SLU7: variants seen among roughly 807,000 people sequenced by gnomAD.
SLU7 encodes spliceosome associated SLU7.
SLU7 carries 60 observed loss-of-function variants against 87.0 expected under a neutral mutation model. The ratio of observed to expected loss-of-function variants is 0.69; its 90% confidence interval spans 0.56 to 0.86. SLU7 has a LOEUF of 0.86. Among genes scored for constraint, SLU7 ranks in the 40% least tolerant of loss-of-function variants. SLU7 has a pLI of 0.00. For synonymous variants in SLU7, 197 were observed against 222.0 expected (o/e 0.89, Z 1.00); for missense variants, 507 against 686.6 (o/e 0.74, Z 2.92).
intron 6 of SLU7, among the ~76,000 whole-genome samples, chr5:160,410,928 A>G (rs1420596660): frequency 1.3e-5 from 2 of 150,524 alleles, no homozygotes; most frequent in African/African-American, 4.9e-5. Context: ...GTGCAGCGGC[A>G]TGATCTTGGC....
In SLU7 at chr5:160,409,601, C is replaced by T. The variant is rs140122420; in HGVS notation, c.640-904G>A. Among the ~76,000 whole-genome samples the T allele has an allele frequency of 5.2e-3, 791 of 152,086 alleles. 4 individuals carry two copies. Among genetic ancestry groups the T allele is most frequent in the Non-Finnish European group, 8.3e-3 (565 of 67,968 alleles). On this transcript the variant is annotated intron_variant, in intron 6 of 15. Transcript: ENST00000297151. ...CTAGAAGGTTATCCTAGTATCATGT[C>T]AATTATATAAAGATGTATAAGAATG... is the stretch of plus-strand genomic sequence containing the variant.
At chr5:160,408,156 TTAAA>T in intron 8 of SLU7, 88 bp from the exon 9 acceptor site, 1 of 1,160,954 alleles carries the variant, frequency 8.6e-7, no homozygotes, top group South Asian at 1.3e-5. Context: ...ACATGATCAA[TTAAA>T]TAAATGTGTG....
Position 160,408,521 on chromosome 5 carries a change from T to C in SLU7, c.688-61A>G, listed in dbSNP as rs968769098. Reference sequence around the variant, plus strand: ...AGAAAGCAGCATGTAGTTCTTTTTTTTCCCCTTTCCCTTTAACCAAACCCT... The same window carrying C: ...AGAAAGCAGCATGTAGTTCTTTTTTCTCCCCTTTCCCTTTAACCAAACCCT... On this transcript the variant is annotated intron_variant, in intron 7 of 15. Coordinates refer to ENST00000297151, the MANE Select transcript of SLU7 (RefSeq NM_006425.5). The C allele has an allele frequency of 7.2e-6, 11 of 1,536,410 alleles. No homozygotes were observed. The African/African-American group carries it at 1.1e-4, about 16-fold the overall frequency.
At chr5:160,411,120 CCTCCCAAAGTGCT>C (rs1179249573) in intron 6 of SLU7, among the ~76,000 whole-genome samples, 1 of 152,198 alleles carries the variant, frequency 6.6e-6, no homozygotes, top group Non-Finnish European at 1.5e-5. Flanking sequence ...CCCGCCTTGG[CCTCCCAAAGTGCT>C]CGGATTATAG....
chr5:160,411,362 G>A lies in SLU7; in HGVS notation c.639+1089C>T, dbSNP rs1397368507. ...TTCTCCCGAGTAGCTGGGACTACAG[G>A]TGCTCGCCACCACACCCAGCTAATT... On this transcript the variant is annotated intron_variant, in intron 6 of 15. Coordinates refer to ENST00000297151, the MANE Select transcript of SLU7 (RefSeq NM_006425.5). 2.6e-5 allele frequency among the ~76,000 whole-genome samples: 4 copies of A among 152,112 alleles called. No homozygotes were observed. The South Asian group carries it at 6.2e-4, about 24-fold the overall frequency.
Position 160,404,456 on chromosome 5 carries a change from T to A in SLU7, c.1565A>T (p.His522Leu). ...ACAAATTACCTTTTTCAATTTTTCA[T>A]GCTTCTTTTCTTCATCATCACTATC... The part of the protein sequence containing the change: ...SSDSDDEEKK[H>L]EKLKKALNAE... Residue 522 changes from histidine to leucine, a missense_variant, in exon 15 of 16, where the codon CAT becomes CTT. Around this residue, in one of 6 missense-constraint regions of SLU7, gnomAD observed 201 missense variants for 213.4 expected, o/e 0.94. Transcript: ENST00000297151. 1.3e-6 allele frequency: 2 copies of A among 1,587,018 alleles called. No homozygotes were observed. The highest frequency in any genetic ancestry group is 1.7e-6 in the Non-Finnish European group (2 of 1,162,326).
At chr5:160,418,664 A>C (rs1765555903) in intron 1 of SLU7, 1 of 152,188 alleles carries the variant, frequency 6.6e-6, no homozygotes. Context: ...AACAGGAAAA[A>C]CTGAAGCTCA....
At chr5:160,415,899 CTTTTTT>C (rs143840615) in intron 1 of SLU7, among the ~76,000 whole-genome samples, 12 of 148,452 alleles carry the variant, frequency 8.1e-5, no homozygotes, top group Admixed American at 2.0e-4. Context: ...TTTTCTTTTT[CTTTTTT>C]TTTTAGAGAC....
In SLU7 at chr5:160,406,643, G is replaced by A. The variant is rs199586065; in HGVS notation, c.1126-14C>T. 1.6e-3 allele frequency: 2,492 copies of A among 1,579,244 alleles called. 6 individuals are homozygous for A. The highest frequency in any genetic ancestry group is 2.0e-3 in the Non-Finnish European group (2,312 of 1,162,588). ...TTGGCCACCATACTAAAAGGACATT[G>A]GACATTATTCAATACATTTTACAAC... On this transcript the variant is annotated splice_polypyrimidine_tract_variant and intron_variant, in intron 11 of 15. Transcript: ENST00000297151.
In SLU7 at chr5:160,413,536, C is replaced by A; in HGVS notation, c.490G>T (p.Asp164Tyr). 1 of 1,614,026 alleles carries A rather than the reference C, an allele frequency of 6.2e-7. No individual in the cohort carries two copies. Among genetic ancestry groups the A allele is most frequent in the Non-Finnish European group, 8.5e-7 (1 of 1,179,926 alleles). The change falls in exon 5 of 16, where the codon GAT becomes TAT. Residue 164 changes from aspartate (D) to tyrosine (Y), a missense_variant. Around this residue, in one of 6 missense-constraint regions of SLU7, gnomAD observed 155 missense variants for 154.4 expected, o/e 1.00. Transcript: ENST00000297151. ...CCATTCCACCGATCCCTCTTCCCAT[C>A]ATAGTCAAACATCAGTTGAGGCTGG... The part of the protein sequence containing the change: ...HVQPQLMFDY[D>Y]GKRDRWNGYN...
intron 12 of SLU7, among the ~76,000 whole-genome samples, chr5:160,405,384 T>C (rs1341754144): frequency 2.6e-5 from 4 of 152,228 alleles, no homozygotes; most frequent in Non-Finnish European, 4.4e-5. Flanking sequence ...CTGACTTCTC[T>C]TGAAAAACGT....
chr5:160,411,248 T>C (rs1031592242), intron 6 of SLU7, among the ~76,000 whole-genome samples: 11 of 151,758 alleles, frequency 7.2e-5, no homozygotes, highest in African/African-American at 2.2e-4. Context: ...GACTGATTGA[T>C]TGAGATAGAG....
intron 6 of SLU7, among the ~76,000 whole-genome samples, chr5:160,411,737 C>T (rs997713310): frequency 6.6e-6 from 1 of 151,928 alleles, no homozygotes; most frequent in Non-Finnish European, 1.5e-5. Context: ...AACTTGACAA[C>T]TCTAATATGC....
In SLU7 at chr5:160,406,581, C is replaced by A; in HGVS notation, c.1174G>T (p.Ala392Ser). The A allele has an allele frequency of 6.2e-7, 1 of 1,613,108 alleles. No homozygotes were observed. Among genetic ancestry groups the A allele is most frequent in the Non-Finnish European group, 8.5e-7 (1 of 1,179,568 alleles). The change falls in exon 12 of 16, where the codon GCC (alanine) becomes TCC (serine). Residue 392 changes from alanine to serine, a missense_variant. Physicochemically the swap from Ala to Ser is moderately conservative, Grantham distance 99. Transcript: ENST00000297151. ...TACTCCACATAGTCTTCAGTCTGGG[C>A]TAAAAGCAATTCAGCTGGAGGGGCA... is the stretch of plus-strand genomic sequence containing the variant. ...LDAPPAELLL[A>S]QTEDYVEYSR...
At chr5:160,408,838 TTTATA>T (rs1263598309) in intron 6 of SLU7, 141 bp from the exon 7 acceptor site, 1 of 149,122 alleles carries the variant, frequency 6.7e-6, no homozygotes, top group Non-Finnish European at 1.4e-5. Context: ...ATATATTATA[TTTATA>T]TTATATATAA....
rs888457672 is a variant in SLU7 at position 160,403,178 on chromosome 5, C to T, written c.*107G>A. The T allele has an allele frequency of 1.2e-6, 1 of 810,308 alleles. No homozygotes were observed. Among genetic ancestry groups the T allele is most frequent in the Non-Finnish European group, 1.9e-6 (1 of 540,234 alleles). The allele number at this position is 810,308 out of a possible 1,614,324, so 50.2% of individuals were successfully genotyped here. On this transcript the variant is annotated 3_prime_UTR_variant, in exon 16 of 16. Coordinates refer to ENST00000297151, the MANE Select transcript of SLU7 (RefSeq NM_006425.5). ...AGGCATCTGAAATATTTATTAAAGC[C>T]AGGCAGCAAGAAGAATAAACAAGGA...
At chr5:160,408,742 T>A in intron 6 of SLU7, 45 bp from the exon 7 acceptor site, 1 of 888,354 alleles carries the variant, frequency 1.1e-6, no homozygotes, top group Non-Finnish European at 1.7e-6. Context: ...TCATTCCACT[T>A]AATCCAATTA....
chr5:160,412,008 C>A (rs929715709), intron 6 of SLU7, among the ~76,000 whole-genome samples: 1 of 151,960 alleles, frequency 6.6e-6, no homozygotes, highest in Admixed American at 6.6e-5. Context: ...AAGTGTTAAC[C>A]AGTGTTGTTA....
intron 1 of SLU7, 79 bp from the exon 2 acceptor site, chr5:160,415,389 A>C: frequency 9.5e-7 from 1 of 1,055,120 alleles, no homozygotes; most frequent in South Asian, 2.0e-5. Context: ...CATCCTAATA[A>C]TATATACTGT....
Sources: allele counts gnomAD v4.1 joint callset (sites outside exome capture counted in the v4.1 genomes callset), GRCh38; gene constraint gnomAD v4.1.1; regional missense constraint gnomAD v4.1.1; transcripts MANE v1.5; gene names NCBI Gene and HGNC (gene_info 2026-07-23, HGNC 2026-07-21).